The following CDC42EP4 variants were observed in gnomAD, a reference collection of about 807,000 sequenced individuals.
CDC42EP4 encodes CDC42 effector protein 4, also known as CDC42 effector protein (Rho GTPase binding) 4.
In CDC42EP4, 6 loss-of-function variants were observed where a neutral mutation model predicts 5.6. The ratio of observed to expected loss-of-function variants is 1.07; its 90% confidence interval spans 0.59 to 2.12. CDC42EP4 has a LOEUF of 2.12. Among genes scored for constraint, CDC42EP4 ranks in the 30% most tolerant of loss-of-function variants. The pLI is 0.00. For synonymous variants in CDC42EP4, 230 were observed against 224.2 expected (o/e 1.03, Z -0.23); for missense variants, 490 against 508.6 (o/e 0.96, Z 0.35).
intron 1 of CDC42EP4, among the ~76,000 whole-genome samples, chr17:73,299,429 T>TA (rs1286695604): frequency 2.9e-3 from 327 of 113,328 alleles, no homozygotes; most frequent in African/African-American, 0.01. Flanking sequence ...GACTCCGTCC[T>TA]AAAAAAAAAA....
At chr17:73,289,138 T>A (rs1050337705) in intron 1 of CDC42EP4, among the ~76,000 whole-genome samples, 4 of 151,854 alleles carry the variant, frequency 2.6e-5, no homozygotes, top group Non-Finnish European at 4.4e-5. Flanking sequence ...GGCCAGAGAG[T>A]AAATATTCTC....
intron 1 of CDC42EP4, among the ~76,000 whole-genome samples, chr17:73,299,444 T>TACACACAC (rs71154990): frequency 8.9e-4 from 114 of 127,970 alleles, no homozygotes; most frequent in African/African-American, 2.6e-3. Context: ...AAAAAAAAAA[T>TACACACAC]ACACACACAC....
intron 1 of CDC42EP4, among the ~76,000 whole-genome samples, chr17:73,297,701 C>A: frequency 6.6e-6 from 1 of 151,858 alleles, no homozygotes; most frequent in East Asian, 1.9e-4. Flanking sequence ...CTCTATCGCC[C>A]AGGCTGGAGT....
rs929623312 is a variant in CDC42EP4 at position 73,285,670 on chromosome 17, G to A, written c.831C>T (p.Pro277=). 3 of 1,579,812 alleles carry A rather than the reference G, an allele frequency of 1.9e-6. No individual in the cohort carries two copies. Among genetic ancestry groups the A allele is most frequent in the South Asian group, 1.1e-5 (1 of 87,978 alleles). The change falls in exon 2 of 2, where the codon CCC becomes CCT. Residue 277 remains proline, a synonymous_variant. Coordinates refer to ENST00000335793, the MANE Select transcript of CDC42EP4 (RefSeq NM_012121.5). The surrounding 1 kb of genome is among the most constrained non-coding windows in gnomAD (Gnocchi z 6.8). ...ACCCCTCATCCTCCAGAGCATGGGA[G>A]GGGAGGGAGGGCAAGTCTGGGCCAG... The part of the protein sequence containing the change: ...GKAGPDLPSL[P]SHALEDEGWA...
chr17:73,299,009 G>T lies in CDC42EP4; in HGVS notation c.-112-12397C>A, dbSNP rs147866934. Among the ~76,000 whole-genome samples the T allele has an allele frequency of 2.7e-3, 413 of 151,828 alleles. 2 individuals carry two copies. The highest frequency in any genetic ancestry group is 9.5e-3 in the African/African-American group (392 of 41,388). ...GCATTGCTGTCACCCAGGCTGGAGT[G>T]TAGTGGTGCTATCATGGCTCACTGC... On this transcript the variant is annotated intron_variant, in intron 1 of 1. Transcript: ENST00000335793.
At chr17:73,289,457 A>C (rs1197954466) in intron 1 of CDC42EP4, among the ~76,000 whole-genome samples, 1 of 152,098 alleles carries the variant, frequency 6.6e-6, no homozygotes, top group Non-Finnish European at 1.5e-5. Flanking sequence ...AGGTGCCAGG[A>C]AGGTGGTGCG....
chr17:73,296,993 A>AG, intron 1 of CDC42EP4, among the ~76,000 whole-genome samples: 1 of 121,586 alleles, frequency 8.2e-6, no homozygotes, highest in Non-Finnish European at 1.8e-5. Context: ...AAAAAAAAAA[A>AG]AAAAAAAAAA....
intron 1 of CDC42EP4, among the ~76,000 whole-genome samples, chr17:73,301,159 AAT>A (rs2062217587): frequency 2.0e-5 from 3 of 152,346 alleles, no homozygotes; most frequent in African/African-American, 4.8e-5. Flanking sequence ...GGATGTATAA[AAT>A]ATCTCATTAA....
chr17:73,304,275 TTC>T (rs1361634583), intron 1 of CDC42EP4, among the ~76,000 whole-genome samples: 7 of 138,332 alleles, frequency 5.1e-5, no homozygotes, highest in Admixed American at 1.5e-4. Flanking sequence ...TTTCTTCTTC[TTC>T]TTTTTTTTTT....
At chr17:73,310,403 G>C (rs1230531639) in intron 1 of CDC42EP4, among the ~76,000 whole-genome samples, 4 of 152,046 alleles carry the variant, frequency 2.6e-5, no homozygotes, top group Non-Finnish European at 5.9e-5. Context: ...GGGTTCGGAC[G>C]AGAGAGAGAT....
intron 1 of CDC42EP4, among the ~76,000 whole-genome samples, chr17:73,298,977 A>G (rs1287479873): frequency 6.7e-6 from 1 of 148,672 alleles, no homozygotes; most frequent in Non-Finnish European, 1.5e-5. Flanking sequence ...TTTTTTTTTG[A>G]GACACGGCAT....
chr17:73,296,074 C>T (rs546138253), intron 1 of CDC42EP4, among the ~76,000 whole-genome samples: 1 of 151,606 alleles, frequency 6.6e-6, no homozygotes, highest in Non-Finnish European at 1.5e-5. Context: ...TTGTTGAAGC[C>T]TTATTCATAA....
At chr17:73,291,772 A>G (rs1252790391) in intron 1 of CDC42EP4, among the ~76,000 whole-genome samples, 1 of 152,104 alleles carries the variant, frequency 6.6e-6, no homozygotes, top group Non-Finnish European at 1.5e-5. Flanking sequence ...AGCCCTCCCT[A>G]GCTCTCCTGA....
chr17:73,299,103 G>A (rs1216460483), intron 1 of CDC42EP4, among the ~76,000 whole-genome samples: 2 of 151,950 alleles, frequency 1.3e-5, no homozygotes, highest in African/African-American at 4.8e-5. Context: ...GGCCACAGGT[G>A]GGCACCACCA....
rs1218583441 is a variant in CDC42EP4, at chr17:73,283,954, C to G, written c.*1476G>C. On this transcript the variant is annotated 3_prime_UTR_variant, in exon 2 of 2. Transcript: ENST00000335793. ...CCTCCCCTCACTGGCTACATGGAGA[C>G]AGGGAGGTGGGTCAGGCTGTTCCCA... The G allele has an allele frequency of 6.6e-6, 1 of 152,236 alleles. No individual in the cohort carries two copies. The highest frequency in any genetic ancestry group is 1.5e-5 in the Non-Finnish European group (1 of 68,086). The allele number at this position is 152,236 out of a possible 1,614,324, so 9.4% of individuals were successfully genotyped here.
At position 73,286,589 on chromosome 17, in the gene CDC42EP4, G is replaced by T; in HGVS notation, c.-89C>A. 2 of 918,990 alleles carry T rather than the reference G, an allele frequency of 2.2e-6. No homozygotes were observed. The highest frequency in any genetic ancestry group is 2.6e-5 in the East Asian group (1 of 38,000). The allele number at this position is 918,990 out of a possible 1,614,324, so 56.9% of individuals were successfully genotyped here. A position where few individuals can be genotyped will look rare whatever the true frequency, so the allele number is the denominator to read the frequency against. On this transcript the variant is annotated 5_prime_UTR_variant, in exon 2 of 2. Coordinates refer to ENST00000335793, the MANE Select transcript of CDC42EP4 (RefSeq NM_012121.5). This position sits in a 1 kb window ranked among gnomAD's most constrained non-coding sequence, Gnocchi z 7.7. ...AAGTCCAAGTCCAGTGGGCAGAGGG[G>T]GACGCAATGAGGAGATCATAAGGCT...
intron 1 of CDC42EP4, among the ~76,000 whole-genome samples, chr17:73,307,917 T>C (rs2062253105): frequency 6.6e-6 from 1 of 151,798 alleles, no homozygotes; most frequent in Non-Finnish European, 1.5e-5. Context: ...AATTTTTGTA[T>C]TTTTAGTAGA....
chr17:73,288,118 C>A (rs1265304970), intron 1 of CDC42EP4, among the ~76,000 whole-genome samples: 1 of 152,204 alleles, frequency 6.6e-6, no homozygotes, highest in Non-Finnish European at 1.5e-5. Flanking sequence ...CACATCACTA[C>A]TCCCAGGAAA....
chr17:73,292,155 C>A (rs1182320408), intron 1 of CDC42EP4, among the ~76,000 whole-genome samples: 2 of 152,392 alleles, frequency 1.3e-5, no homozygotes, highest in East Asian at 3.9e-4. Context: ...CTGCGGTTCA[C>A]CCCGGTATAC....
Sources: allele counts gnomAD v4.1 joint callset (sites outside exome capture counted in the v4.1 genomes callset), GRCh38; gene constraint gnomAD v4.1.1; non-coding constraint Gnocchi (gnomAD v3.1); transcripts MANE v1.5; gene names NCBI Gene and HGNC (gene_info 2026-07-23, HGNC 2026-07-21).